Variants in ARHGEF4 observed in about 807,000 individuals in gnomAD.
ARHGEF4 encodes the protein Rho guanine nucleotide exchange factor 4.
In ARHGEF4, 119 loss-of-function variants were observed where a neutral mutation model predicts 162.0. That is an observed-to-expected ratio of 0.73 (90% CI 0.63 to 0.86). The LOEUF (loss-of-function observed/expected upper bound fraction) is 0.86. Ranked by LOEUF, ARHGEF4 falls within the 40% of genes least tolerant of loss-of-function variation. ARHGEF4 has a pLI of 0.00. For missense variants in ARHGEF4, 2,488 were observed against 2,456.0 expected, an observed-to-expected ratio of 1.01 and a Z score of -0.28; for synonymous variants, 1,014 against 979.9, an observed-to-expected ratio of 1.03 and a Z score of -0.65.
intron 5 of ARHGEF4, among the ~76,000 whole-genome samples, chr2:131,038,222 C>T (rs1196353957): frequency 6.6e-6 from 1 of 152,302 alleles, no homozygotes; most frequent in East Asian, 1.9e-4. Context: ...CACCAGCCCC[C>T]AGCCCCTCCC....
chr2:130,985,473 C>T (rs1213448077), intron 4 of ARHGEF4, among the ~76,000 whole-genome samples: 1 of 152,004 alleles, frequency 6.6e-6, no homozygotes, highest in Non-Finnish European at 1.5e-5. Context: ...AAATCCATCT[C>T]CCTGACTGAC....
chr2:131,044,536 G>A lies in ARHGEF4; in HGVS notation c.5395G>A (p.Glu1799Lys), dbSNP rs1463715516. The A allele has an allele frequency of 2.6e-6, 4 of 1,550,264 alleles. No homozygotes were observed. The highest frequency in any genetic ancestry group is 2.6e-6 in the Non-Finnish European group (3 of 1,146,814). ...REREQVQLDQETGFSITELQR... is the reference protein window; with the variant it reads ...REREQVQLDQKTGFSITELQR... ...GAGGGAGCAGGTGCAGCTGGACCAG[G>A]AGACAGGTTCGAGACCCTGCTGGGC... The change falls in exon 12 of 14, where the codon GAG (glutamate) becomes AAG (lysine). Residue 1799 changes from glutamate to lysine, a missense_variant. Physicochemically the swap from Glu to Lys is moderately conservative, Grantham distance 56. Around this residue, in one of 6 missense-constraint regions of ARHGEF4, gnomAD observed 415 missense variants for 512.4 expected, o/e 0.81. Transcript: ENST00000409359.
intron 3 of ARHGEF4, among the ~76,000 whole-genome samples, chr2:130,935,800 G>A (rs980844358): frequency 6.6e-6 from 1 of 152,152 alleles, no homozygotes; most frequent in South Asian, 2.1e-4. Context: ...AGGCATGGTG[G>A]CCATGCACGT....
At position 131,031,957 on chromosome 2, in the gene ARHGEF4, TG is replaced by T. The variant is rs1169468709; in HGVS notation, c.4125+3874del. Among the ~76,000 whole-genome samples the T allele has an allele frequency of 6.6e-5, 10 of 152,312 alleles. No individual in the cohort carries two copies. In the East Asian group the frequency reaches 1.9e-3, roughly 30 times the overall value. On this transcript the variant is annotated intron_variant, in intron 5 of 13. Coordinates refer to ENST00000409359, the MANE Select transcript of ARHGEF4 (RefSeq NM_001367493.1). Reference sequence around the variant, plus strand: ...ACCACCACCACCGTGTGGGCAGTGCTGCCAGTGCGAGCCATGATGTGACCAG... The same window carrying T: ...ACCACCACCACCGTGTGGGCAGTGCTCCAGTGCGAGCCATGATGTGACCAG...
intron 2 of ARHGEF4, among the ~76,000 whole-genome samples, chr2:130,928,541 T>A (rs540286972): frequency 6.6e-6 from 1 of 152,120 alleles, no homozygotes; most frequent in East Asian, 1.9e-4. Context: ...GAAAGGGGAG[T>A]ATACACAGTC....
At chr2:130,997,757 A>G (rs1687498047) in intron 4 of ARHGEF4, among the ~76,000 whole-genome samples, 1 of 152,212 alleles carries the variant, frequency 6.6e-6, no homozygotes, top group South Asian at 2.1e-4. Flanking sequence ...TTGTTCCAAA[A>G]TGATTGATGT....
intron 6 of ARHGEF4, 138 bp from the exon 7 acceptor site, chr2:131,039,878 G>A (rs1368709080): frequency 9.8e-6 from 14 of 1,429,276 alleles, no homozygotes; most frequent in Non-Finnish European, 1.2e-5. Context: ...GGTGGGGGGA[G>A]CTGGCCGGCC....
At chr2:131,039,170 C>G (rs752015935) in intron 6 of ARHGEF4, 138 bp downstream of exon 6, 4 of 1,261,928 alleles carry the variant, frequency 3.2e-6, no homozygotes, top group Non-Finnish European at 4.2e-6. Context: ...CGCAGTGTCA[C>G]AGCCTTCCTC....
chr2:130,907,776 G>A (rs1055080505), intron 1 of ARHGEF4, among the ~76,000 whole-genome samples: 5 of 151,644 alleles, frequency 3.3e-5, no homozygotes, highest in Non-Finnish European at 7.4e-5. Context: ...ATAACATGGT[G>A]AAACCCCATC....
At chr2:130,951,151 C>T (rs1267685497) in intron 4 of ARHGEF4, among the ~76,000 whole-genome samples, 2 of 152,220 alleles carry the variant, frequency 1.3e-5, no homozygotes, top group African/African-American at 4.8e-5. Context: ...ATCTAGACCA[C>T]TAAAACTTTC....
At chr2:130,956,494 C>T (rs1289500249) in intron 4 of ARHGEF4, among the ~76,000 whole-genome samples, 1 of 151,584 alleles carries the variant, frequency 6.6e-6, no homozygotes, top group Non-Finnish European at 1.5e-5. Flanking sequence ...GACTATAAAT[C>T]ATGCTGCTAT....
rs1454960817 is a variant in ARHGEF4 at position 130,946,608 on chromosome 2, G to C, written c.3958G>C (p.Gly1320Arg). ...QSAPTGLNHMGWPEHTPGTAM... is the reference protein window; with the variant it reads ...QSAPTGLNHMRWPEHTPGTAM... ...TGCTCCAACGGGACTGAACCACATG[G>C]GCTGGCCAGAGCACACACCAGGCAC... The change falls in exon 4 of 14, where the codon GGC becomes CGC. Residue 1320 changes from glycine to arginine, a missense_variant. Gly to Arg is a moderately radical substitution (Grantham distance 125, BLOSUM62 -2). Coordinates refer to ENST00000409359, the MANE Select transcript of ARHGEF4 (RefSeq NM_001367493.1). 1 of 1,614,054 alleles carries C rather than the reference G, an allele frequency of 6.2e-7. No individual in the cohort carries two copies. Among genetic ancestry groups the C allele is most frequent in the Admixed American group, 1.7e-5 (1 of 60,028 alleles).
At chr2:130,867,124 A>G (rs1202058867) in intron 1 of ARHGEF4, among the ~76,000 whole-genome samples, 1 of 151,970 alleles carries the variant, frequency 6.6e-6, no homozygotes, top group Non-Finnish European at 1.5e-5. Flanking sequence ...CAAGGAATTG[A>G]TCCTTTTTGT....
intron 12 of ARHGEF4, 142 bp downstream of exon 12, chr2:131,044,684 C>T (rs1691097461): frequency 6.1e-6 from 7 of 1,138,626 alleles, no homozygotes. Flanking sequence ...CTCTAGGTCC[C>T]AGTCATGAGC....
chr2:130,981,663 A>G (rs1161462304), intron 4 of ARHGEF4, among the ~76,000 whole-genome samples: 1 of 152,002 alleles, frequency 6.6e-6, no homozygotes, highest in Middle Eastern at 3.4e-3. Context: ...ATCTCAAAAA[A>G]AAAAAAAAAG....
chr2:131,014,770 C>G (rs1688672516), intron 4 of ARHGEF4, among the ~76,000 whole-genome samples: 1 of 152,194 alleles, frequency 6.6e-6, no homozygotes, highest in African/African-American at 2.4e-5. Flanking sequence ...GGAGTCACTG[C>G]TTTTCTTGGC....
chr2:131,036,223 T>C (rs770419235), intron 5 of ARHGEF4, among the ~76,000 whole-genome samples: 1 of 152,202 alleles, frequency 6.6e-6, no homozygotes, highest in Non-Finnish European at 1.5e-5. Context: ...GACTCTGATG[T>C]CCTACGAAAC....
chr2:130,873,230 G>A (rs2104937892), intron 1 of ARHGEF4, among the ~76,000 whole-genome samples: 1 of 152,310 alleles, frequency 6.6e-6, no homozygotes, highest in Admixed American at 6.5e-5. Flanking sequence ...TCATATGGTT[G>A]TCATAAGGCT....
chr2:130,943,194 T>G (rs771796864), intron 3 of ARHGEF4, among the ~76,000 whole-genome samples: 2 of 152,300 alleles, frequency 1.3e-5, no homozygotes, highest in East Asian at 3.9e-4. Flanking sequence ...ACTCTTATGA[T>G]GTTATGTTCT....
Sources: gnomAD v4.1 joint callset for allele counts (sites outside exome capture counted in the v4.1 genomes callset) on GRCh38, gnomAD v4.1.1 for gene constraint, gnomAD v4.1.1 regional missense constraint, MANE v1.5 for transcripts, NCBI Gene and HGNC (gene_info 2026-07-23, HGNC 2026-07-21) for gene names.